Variants in TRHDE observed in about 807,000 individuals in gnomAD.
The protein encoded by TRHDE is thyrotropin-releasing hormone-degrading ectoenzyme.
Under a neutral mutation model 125.7 loss-of-function variants are expected in TRHDE, and 72 were observed. The ratio of observed to expected loss-of-function variants is 0.57; its 90% CI spans 0.47 to 0.70. The LOEUF (loss-of-function observed/expected upper bound fraction) is 0.70, where lower values mean the gene tolerates loss of function less well. Among genes scored for constraint, TRHDE ranks in the 30% least tolerant of loss-of-function variants. TRHDE has a pLI of 0.00. For synonymous variants in TRHDE, 509 were observed against 509.1 expected (o/e 1.00, Z 0.00); for missense variants, 1,110 against 1,327.1 (o/e 0.84, Z 2.54).
chr12:72,650,191 T>C (rs1193353087), intron 15 of TRHDE, among the ~76,000 whole-genome samples: 1 of 152,138 alleles, frequency 6.6e-6, no homozygotes, highest in Non-Finnish European at 1.5e-5. Context: ...TGAAATACTA[T>C]TCAGCCTTTA....
At chr12:72,371,043 C>G (rs1871561090) in intron 2 of TRHDE, among the ~76,000 whole-genome samples, 1 of 152,126 alleles carries the variant, frequency 6.6e-6, no homozygotes, top group Admixed American at 6.5e-5. Context: ...CTGCCCCTGG[C>G]CAATTCCCAC....
At chr12:72,455,694 A>G (rs902778913) in intron 3 of TRHDE, among the ~76,000 whole-genome samples, 6 of 152,194 alleles carry the variant, frequency 3.9e-5, no homozygotes, top group Non-Finnish European at 8.8e-5. Flanking sequence ...GGTTTAAAAC[A>G]GTCTGAGATG....
chr12:72,338,308 T>C (rs189877576), intron 2 of TRHDE, among the ~76,000 whole-genome samples: 1 of 152,314 alleles, frequency 6.6e-6, no homozygotes, highest in Admixed American at 6.5e-5. Flanking sequence ...AGTTGTTATG[T>C]CACGGTTAGG....
rs1295505825 is a variant in TRHDE at position 72,653,167 on chromosome 12, G to T, written c.2984+11G>T. 1 of 1,600,524 alleles carries T rather than the reference G, an allele frequency of 6.2e-7. No homozygotes were observed. Among genetic ancestry groups the T allele is most frequent in the Admixed American group, 1.7e-5 (1 of 58,140 alleles). ...GATATTAAATACCAGGTAGAAATTA[G>T]AATTCTTACTTGAATGAGTAAATTA... On this transcript the variant is annotated intron_variant, in intron 17 of 18. Transcript: ENST00000261180.
chr12:72,465,636 C>T (rs1876336938), intron 3 of TRHDE, among the ~76,000 whole-genome samples: 1 of 151,986 alleles, frequency 6.6e-6, no homozygotes, highest in Non-Finnish European at 1.5e-5. Flanking sequence ...TGAGTTGTTC[C>T]TAGTTTTTAG....
intron 15 of TRHDE, among the ~76,000 whole-genome samples, chr12:72,650,686 TTTG>T (rs554767518): frequency 1.1e-4 from 17 of 152,172 alleles, no homozygotes; most frequent in Admixed American, 2.6e-4. Context: ...CAGTAGATAT[TTTG>T]TTGTTTTTTT....
At chr12:72,306,265 A>G (rs1868339906) in intron 2 of TRHDE, among the ~76,000 whole-genome samples, 1 of 152,218 alleles carries the variant, frequency 6.6e-6, no homozygotes, top group African/African-American at 2.4e-5. Flanking sequence ...AAACTAAAAG[A>G]CAGTGTTCAT....
chr12:72,613,746 G>A (rs926476034), intron 12 of TRHDE, among the ~76,000 whole-genome samples: 1 of 152,186 alleles, frequency 6.6e-6, no homozygotes, highest in African/African-American at 2.4e-5. Context: ...TTTGGGATCA[G>A]GCTTTCTGGA....
At position 72,667,313 on chromosome 12, in the gene TRHDE, A is replaced by G. The variant is rs546938921; in HGVS notation, c.*4118A>G. The G allele has an allele frequency of 2.0e-5, 3 of 151,944 alleles. No individual in the cohort carries two copies. The highest frequency in any genetic ancestry group is 1.9e-4 in the East Asian group (1 of 5,152). 9.4% of individuals were successfully genotyped at this position (151,944 alleles called of 1,614,324 possible). ...GCACATATAATGAAAAATAATTAAG[A>G]TTTCTTACACCTGATTTTTTCATTA... On this transcript the variant is annotated 3_prime_UTR_variant, in exon 19 of 19. Transcript: ENST00000261180.
At chr12:72,467,158 G>A (rs924374388) in intron 3 of TRHDE, among the ~76,000 whole-genome samples, 1 of 152,094 alleles carries the variant, frequency 6.6e-6, no homozygotes, top group African/African-American at 2.4e-5. Flanking sequence ...ATGTATACAT[G>A]TGCCATGTTG....
chr12:72,267,644 T>G (rs1233764362), upstream of TRHDE, among the ~76,000 whole-genome samples: 1 of 151,290 alleles, frequency 6.6e-6, no homozygotes, highest in Non-Finnish European at 1.5e-5. Context: ...AGACCTAATC[T>G]CTAAAAAAAT....
intron 2 of TRHDE, among the ~76,000 whole-genome samples, chr12:72,185,385 C>T (rs966500974): frequency 6.6e-6 from 1 of 152,240 alleles, no homozygotes; most frequent in African/African-American, 2.4e-5. Flanking sequence ...ACCCCCTGCT[C>T]CACGGCGCCC....
chr12:72,499,998 A>T (rs976172375), intron 6 of TRHDE, among the ~76,000 whole-genome samples: 4 of 152,216 alleles, frequency 2.6e-5, no homozygotes, highest in Non-Finnish European at 5.9e-5. Flanking sequence ...ATGCCCTTAA[A>T]TACTAACTTA....
At chr12:72,377,435 C>A (rs1871939548) in intron 2 of TRHDE, among the ~76,000 whole-genome samples, 1 of 151,772 alleles carries the variant, frequency 6.6e-6, no homozygotes, top group Non-Finnish European at 1.5e-5. Context: ...TTGCAGACAG[C>A]CTTCCAGAAT....
chr12:72,657,527 AATAC>A (rs1874753263), intron 18 of TRHDE, among the ~76,000 whole-genome samples: 1 of 152,188 alleles, frequency 6.6e-6, no homozygotes, highest in South Asian at 2.1e-4. Context: ...CATATCTGGT[AATAC>A]ATATTGAGAT....
intron 2 of TRHDE, among the ~76,000 whole-genome samples, chr12:72,195,169 C>T (rs987217904): frequency 6.6e-5 from 10 of 152,014 alleles, no homozygotes; most frequent in African/African-American, 2.4e-4. Context: ...TGAAGGTAAC[C>T]ACTCCCACGA....
intron 2 of TRHDE, among the ~76,000 whole-genome samples, chr12:72,164,645 A>G (rs993579042): frequency 6.6e-6 from 1 of 152,202 alleles, no homozygotes. Flanking sequence ...CGAGCTGGAC[A>G]AGATAACCAC....
At chr12:72,572,086 C>T (rs1870770270) in intron 10 of TRHDE, among the ~76,000 whole-genome samples, 1 of 149,192 alleles carries the variant, frequency 6.7e-6, no homozygotes, top group African/African-American at 2.5e-5. Flanking sequence ...TTGATATGCA[C>T]AGGATTCTTT....
At chr12:72,588,051 G>A (rs12824967) in intron 12 of TRHDE, among the ~76,000 whole-genome samples, 40,360 of 152,002 alleles carry the variant, frequency 0.27, 8,154 homozygotes, top group African/African-American at 0.54. Flanking sequence ...GTACTGGTAA[G>A]CGATCAGCAA....
Sources: gnomAD v4.1 joint callset for allele counts (sites outside exome capture counted in the v4.1 genomes callset) on GRCh38, gnomAD v4.1.1 for gene constraint, MANE v1.5 for transcripts, NCBI Gene and HGNC (gene_info 2026-07-23, HGNC 2026-07-21) for gene names.